The following NOSTRIN variants were observed in gnomAD, a reference collection of about 807,000 sequenced individuals.
The protein encoded by NOSTRIN is nitric oxide synthase trafficking.
A neutral mutation model predicts 59.0 loss-of-function variants in NOSTRIN; 63 were observed. That is an observed-to-expected ratio of 1.07 (90% CI 0.87 to 1.32). NOSTRIN has a LOEUF of 1.32. NOSTRIN is among the 40% of genes most tolerant of loss of function. NOSTRIN has a pLI of 0.00. For synonymous variants in NOSTRIN, 200 were observed against 165.4 expected, an observed-to-expected ratio of 1.21 and a Z score of -1.61; for missense variants, 512 against 473.1, an observed-to-expected ratio of 1.08 and a Z score of -0.76.
upstream of NOSTRIN, among the ~76,000 whole-genome samples, chr2:168,797,079 C>CTTTTCTTTTTTTTTTTTT (rs1553519713): frequency 1.3e-3 from 99 of 75,026 alleles, no homozygotes; most frequent in Non-Finnish European, 1.8e-3. Flanking sequence ...TTTCTTTTTT[C>CTTTTCTTTTTTTTTTTTT]TTTTTTTTTT....
chr2:168,860,103 T>C, intron 13 of NOSTRIN, among the ~76,000 whole-genome samples: 1 of 152,226 alleles, frequency 6.6e-6, no homozygotes, highest in South Asian at 2.1e-4. Context: ...TGTAATCATC[T>C]TGTGAAGGGA....
rs1685356877 is a variant in NOSTRIN, at chr2:168,791,665, C to A, written c.-473+3617C>A. Among the ~76,000 whole-genome samples, 3 of 152,272 alleles carry A rather than the reference C, an allele frequency of 2.0e-5. No individual in the cohort carries two copies. The Middle Eastern group carries it at 0.01, about 518-fold the overall frequency. On this transcript the variant is annotated intron_variant, in intron 2 of 20. Transcript: ENST00000458381. ...CTCTCCAGCACCTGTTGTTTCCTGACTTTTTAATGATCACCATTCTAACTG... is the reference window on the plus strand; with the variant it reads ...CTCTCCAGCACCTGTTGTTTCCTGAATTTTTAATGATCACCATTCTAACTG...
At chr2:168,813,451 T>C (rs17200300) in intron 2 of NOSTRIN, among the ~76,000 whole-genome samples, 36,402 of 152,056 alleles carry the variant, frequency 0.24, 4,833 homozygotes, top group East Asian at 0.31. Context: ...GTTTTTCTTT[T>C]TTCTAGATCA....
chr2:168,860,692 A>T, intron 13 of NOSTRIN, 103 bp from the exon 14 acceptor site: 1 of 749,614 alleles, frequency 1.3e-6, no homozygotes, highest in Non-Finnish European at 2.2e-6. Flanking sequence ...GAAAAAACAA[A>T]CAGAAAAAAC....
Position 168,834,523 on chromosome 2 carries a change from A to G in NOSTRIN, c.504+198A>G, listed in dbSNP as rs1223357542. Among the ~76,000 whole-genome samples the G allele has an allele frequency of 4.8e-5, 7 of 145,758 alleles. No homozygotes were observed. The East Asian group carries it at 6.2e-4, about 13-fold the overall frequency. ...CGCGCGCGCGCACACACACACACAC[A>G]CACACACACACACACACACCACATA... is the stretch of plus-strand genomic sequence containing the variant. On this transcript the variant is annotated intron_variant, in intron 7 of 15. Transcript: ENST00000317647.
chr2:168,818,992 T>G (rs1686570975), intron 2 of NOSTRIN, among the ~76,000 whole-genome samples: 1 of 152,146 alleles, frequency 6.6e-6, no homozygotes, highest in Admixed American at 6.5e-5. Context: ...CCAAGACAAT[T>G]GCTTGGAGAA....
chr2:168,829,751 G>C (rs1374053233), intron 5 of NOSTRIN, among the ~76,000 whole-genome samples: 1 of 152,148 alleles, frequency 6.6e-6, no homozygotes, highest in African/African-American at 2.4e-5. Flanking sequence ...ATAGGGGTGG[G>C]GTTATGGTCA....
At chr2:168,818,842 T>A (rs910374242) in intron 2 of NOSTRIN, among the ~76,000 whole-genome samples, 1 of 15,274 alleles carries the variant, frequency 6.5e-5, no homozygotes, top group Non-Finnish European at 1.5e-4. Flanking sequence ...TATTAAAAAA[T>A]TTTTTTAATT....
At chr2:168,856,916 G>A in intron 12 of NOSTRIN, 138 bp downstream of exon 12, 1 of 714,840 alleles carries the variant, frequency 1.4e-6, no homozygotes. Flanking sequence ...AGCTTATAGG[G>A]TCAGCTTCAT....
At chr2:168,862,892 G>A (rs559736582) in intron 15 of NOSTRIN, among the ~76,000 whole-genome samples, 20 of 152,308 alleles carry the variant, frequency 1.3e-4, no homozygotes, top group African/African-American at 4.8e-4. Context: ...GGCTCCCAGA[G>A]CCAATGGAAA....
At chr2:168,836,162 A>G (rs1195846819) in intron 7 of NOSTRIN, among the ~76,000 whole-genome samples, 1 of 152,260 alleles carries the variant, frequency 6.6e-6, no homozygotes, top group East Asian at 1.9e-4. Context: ...GGAAATGATC[A>G]TAACAAGTAT....
At position 168,863,412 on chromosome 2, in the gene NOSTRIN, C is replaced by T. The variant is rs1015836419; in HGVS notation, c.1384+1363C>T. ...GCTGAGGAAAAGAGTGAAAGGAAGA[C>T]TGAAAAATCACCTCAGAATGATGCC... On this transcript the variant is annotated intron_variant, in intron 15 of 15. Transcript: ENST00000317647. The T allele has an allele frequency of 2.0e-5, 20 of 984,712 alleles. No individual in the cohort carries two copies. The Admixed American group carries it at 1.0e-3, about 52-fold the overall frequency. 61.0% of individuals were successfully genotyped at this position (984,712 alleles called of 1,614,324 possible).
chr2:168,865,144 A>T lies in NOSTRIN; in HGVS notation c.*174A>T. ...TATTAGCTTGAAACAGTCAGAAAAAAGATGGATGGGTGGAGACAGACAAGG... is the reference window on the plus strand; with the variant it reads ...TATTAGCTTGAAACAGTCAGAAAAATGATGGATGGGTGGAGACAGACAAGG... On this transcript the variant is annotated 3_prime_UTR_variant, in exon 16 of 16. Coordinates refer to ENST00000317647, the MANE Select transcript of NOSTRIN (RefSeq NM_001039724.4). 1 of 702,098 alleles carries T rather than the reference A, an allele frequency of 1.4e-6. No individual in the cohort carries two copies. The highest frequency in any genetic ancestry group is 2.3e-6 in the Non-Finnish European group (1 of 436,552). The allele number at this position is 702,098 out of a possible 1,614,324, so 43.5% of individuals were successfully genotyped here.
At chr2:168,796,000 A>G (rs1185961370), upstream of NOSTRIN, among the ~76,000 whole-genome samples, 2 of 152,374 alleles carry the variant, frequency 1.3e-5, no homozygotes, top group Middle Eastern at 3.4e-3. Flanking sequence ...GGCTTCAGAA[A>G]TGTATCTTTC....
chr2:168,798,218 A>T (rs1685533408), upstream of NOSTRIN: 1 of 152,226 alleles, frequency 6.6e-6, no homozygotes, highest in Admixed American at 6.5e-5. Context: ...GGTGCCTGAC[A>T]CGTGGTATGT....
intron 13 of NOSTRIN, among the ~76,000 whole-genome samples, 200 bp from the exon 14 acceptor site, chr2:168,860,595 C>T (rs1482924783): frequency 1.3e-5 from 2 of 150,970 alleles, no homozygotes; most frequent in Non-Finnish European, 2.9e-5. Context: ...CACTTGAACC[C>T]GGGAGGTGGA....
intron 8 of NOSTRIN, among the ~76,000 whole-genome samples, chr2:168,849,554 C>A (rs1407755272): frequency 6.6e-6 from 1 of 151,544 alleles, no homozygotes; most frequent in Non-Finnish European, 1.5e-5. Flanking sequence ...CGGGGTTTTG[C>A]CACGTTGGGC....
intron 7 of NOSTRIN, among the ~76,000 whole-genome samples, chr2:168,836,243 G>A (rs1342817513): frequency 6.6e-6 from 1 of 152,212 alleles, no homozygotes; most frequent in Non-Finnish European, 1.5e-5. Flanking sequence ...ACCTGCCTAG[G>A]CATTCTGAGT....
At chr2:168,840,538 A>AC (rs1688024283) in intron 7 of NOSTRIN, among the ~76,000 whole-genome samples, 1 of 151,490 alleles carries the variant, frequency 6.6e-6, no homozygotes, top group African/African-American at 2.4e-5. Flanking sequence ...TCAAAAAAAA[A>AC]AAAAAAAAAA....
Sources: allele counts gnomAD v4.1 joint callset (sites outside exome capture counted in the v4.1 genomes callset), GRCh38; gene constraint gnomAD v4.1.1; transcripts MANE v1.5; gene names NCBI Gene and HGNC (gene_info 2026-07-23, HGNC 2026-07-21).